Variants in RPTOR observed in about 807,000 individuals in gnomAD.
The protein encoded by RPTOR is regulatory associated protein of MTOR complex 1, also known as regulatory-associated protein of mTOR.
RPTOR carries 21 observed loss-of-function variants against 169.9 expected under a neutral mutation model. The observed-to-expected ratio is 0.12, with a 90% CI of 0.09 to 0.18. The LOEUF is 0.18. RPTOR is among the 10% of genes least tolerant of loss of function. RPTOR has a pLI of 1.00. For missense variants in RPTOR, 1,133 were observed against 1,855.9 expected, an observed-to-expected ratio of 0.61 and a Z score of 7.16; for synonymous variants, 732 against 753.2, an observed-to-expected ratio of 0.97 and a Z score of 0.46.
At chr17:80,915,075 G>A (rs371201291) in intron 21 of RPTOR, among the ~76,000 whole-genome samples, 11 of 152,204 alleles carry the variant, frequency 7.2e-5, no homozygotes, top group Admixed American at 2.0e-4. Flanking sequence ...TACCCATGCC[G>A]GGGTCTCCTC....
At chr17:80,918,228 C>T (rs1048019203) in intron 21 of RPTOR, among the ~76,000 whole-genome samples, 8 of 152,212 alleles carry the variant, frequency 5.3e-5, no homozygotes, top group Non-Finnish European at 1.2e-4. Flanking sequence ...CCACGCTGCC[C>T]AATGCTGGCC....
rs749504457 is a variant in RPTOR at position 80,545,757 on chromosome 17, A to C, written c.128A>C (p.Lys43Thr). Residue 43 changes from lysine to threonine, a missense_variant, in exon 1 of 34, where the codon AAA becomes ACA. By Grantham distance (78) the Lys-to-Thr change is moderately conservative. This residue lies in a region of RPTOR where 47 missense variants were observed against 59.5 expected (regional missense o/e 0.79). Transcript: ENST00000306801. Reference protein sequence around the residue: ...KRHCEKIEGSKSLAQSWRMKD... With the variant: ...KRHCEKIEGSTSLAQSWRMKD... Reference sequence around the variant, plus strand: ...CACTGTGAGAAAATTGAAGGCTCCAAATCCTTAGCTCAGAGCTGGAGGATG... The same window carrying C: ...CACTGTGAGAAAATTGAAGGCTCCACATCCTTAGCTCAGAGCTGGAGGATG... 24 of 1,613,826 alleles carry C rather than the reference A, an allele frequency of 1.5e-5. No homozygotes were observed. The South Asian group carries it at 2.6e-4, about 18-fold the overall frequency.
At chr17:80,595,464 TC>T (rs1354355155) in intron 1 of RPTOR, among the ~76,000 whole-genome samples, 4 of 144,278 alleles carry the variant, frequency 2.8e-5, no homozygotes, top group Non-Finnish European at 4.7e-5. Flanking sequence ...ACAGGGTTTT[TC>T]CCCCCCCTTA....
At chr17:80,794,373 T>G (rs1857024221) in intron 7 of RPTOR, among the ~76,000 whole-genome samples, 1 of 152,128 alleles carries the variant, frequency 6.6e-6, no homozygotes, top group South Asian at 2.1e-4. Context: ...TAATGCAAAT[T>G]AAAACACAGT....
intron 4 of RPTOR, among the ~76,000 whole-genome samples, chr17:80,725,789 G>C (rs1272401831): frequency 6.6e-6 from 1 of 152,188 alleles, no homozygotes; most frequent in African/African-American, 2.4e-5. Context: ...TCCACACTGT[G>C]GCTTAATAGA....
intron 24 of RPTOR, among the ~76,000 whole-genome samples, chr17:80,934,458 G>C (rs73357804): frequency 2.6e-5 from 4 of 152,070 alleles, no homozygotes; most frequent in African/African-American, 9.6e-5. Flanking sequence ...TCCTGGACTC[G>C]AGAGACCCTC....
In RPTOR at chr17:80,822,184, C is replaced by A. The variant is rs1386922637; in HGVS notation, c.891-17C>A. 5 of 1,610,822 alleles carry A rather than the reference C, an allele frequency of 3.1e-6. No homozygotes were observed. The South Asian group carries it at 5.5e-5, about 18-fold the overall frequency. On this transcript the variant is annotated splice_polypyrimidine_tract_variant and intron_variant, in intron 7 of 33. Coordinates refer to ENST00000306801, the MANE Select transcript of RPTOR (RefSeq NM_020761.3). ...AGAGCTGTGGCATCACTCATGAGAA[C>A]GCCCCTTGTTTTCTAGGATCCCTGG... is the stretch of plus-strand genomic sequence containing the variant.
At chr17:80,806,713 A>G (rs1273880143) in intron 7 of RPTOR, among the ~76,000 whole-genome samples, 1 of 152,186 alleles carries the variant, frequency 6.6e-6, no homozygotes, top group African/African-American at 2.4e-5. Context: ...CTCTACCATC[A>G]TCAGCCTTGT....
rs775516355 is a variant in RPTOR at position 80,962,959 on chromosome 17, A to G, written c.3841A>G (p.Asn1281Asp). Residue 1281 changes from asparagine (N) to aspartate (D), a missense_variant, in exon 33 of 34, where the codon AAC (asparagine) becomes GAC (aspartate). Physicochemically the swap from Asn to Asp is conservative, Grantham distance 23 (BLOSUM62 1). Transcript: ENST00000306801. The part of the protein sequence containing the change: ...GSVNQFTAIY[N>D]SSGELINNIK... ...CGTCAATCAGTTCACCGCCATCTAC[A>G]ACAGCAGCGGAGAGCTCATCAACAA... 5 of 1,613,708 alleles carry G rather than the reference A, an allele frequency of 3.1e-6. No homozygotes were observed. In the Admixed American group the frequency reaches 8.3e-5, roughly 27 times the overall value.
At position 80,622,216 on chromosome 17, in the gene RPTOR, C is replaced by G. The variant is rs2065359936; in HGVS notation, c.163-3475C>G. Among the ~76,000 whole-genome samples the G allele has an allele frequency of 1.3e-5, 2 of 152,186 alleles. 1 individual carries two copies. The highest frequency in any genetic ancestry group is 1.3e-4 in the Admixed American group (2 of 15,270). On this transcript the variant is annotated intron_variant, in intron 1 of 33. Transcript: ENST00000306801. Reference sequence around the variant, plus strand: ...TTGGAACTTGCGCCAGGGTTTGAATCAATCCCTCTCCATATTACAGGGCAT... The same window carrying G: ...TTGGAACTTGCGCCAGGGTTTGAATGAATCCCTCTCCATATTACAGGGCAT...
chr17:80,890,824 G>A (rs1245146744), intron 17 of RPTOR, among the ~76,000 whole-genome samples: 1 of 152,098 alleles, frequency 6.6e-6, no homozygotes, highest in Non-Finnish European at 1.5e-5. Context: ...CAGAGAGTGC[G>A]TAGACGGAGA....
chr17:80,696,649 A>G (rs927999910), intron 3 of RPTOR, among the ~76,000 whole-genome samples: 52 of 152,194 alleles, frequency 3.4e-4, no homozygotes, highest in African/African-American at 1.3e-3. Flanking sequence ...GTGGGCGCAG[A>G]AGGGACACAG....
At chr17:80,683,013 C>T (rs1187011280) in intron 3 of RPTOR, among the ~76,000 whole-genome samples, 1 of 152,136 alleles carries the variant, frequency 6.6e-6, no homozygotes, top group African/African-American at 2.4e-5. Context: ...GTTGTCCAGG[C>T]CGGTCTTGAG....
chr17:80,927,912 C>T (rs1034298364), intron 24 of RPTOR, among the ~76,000 whole-genome samples: 3 of 151,898 alleles, frequency 2.0e-5, no homozygotes, highest in Non-Finnish European at 2.9e-5. Flanking sequence ...GTGGTCTGGC[C>T]CTGCCAGCAG....
intron 6 of RPTOR, among the ~76,000 whole-genome samples, chr17:80,776,881 C>T (rs979403854): frequency 6.6e-6 from 1 of 152,080 alleles, no homozygotes; most frequent in Non-Finnish European, 1.5e-5. Context: ...CAGAGAAGGC[C>T]CCACAGTGTG....
chr17:80,634,584 CGTACTGTGTGTGTGCGTACTGTGTGT>C lies in RPTOR; in HGVS notation c.265+8802_265+8827del, dbSNP rs1311401942. ...TGTGTGTGCATACTGTGTGTGTGTG[CGTACTGTGTGTGTGCGTACTGTGTGT>C]GTACTGTGTGCGTGTGCGTACTGTG... On this transcript the variant is annotated intron_variant, in intron 2 of 33. Transcript: ENST00000306801. Among the ~76,000 whole-genome samples, 9 of 81,152 alleles carry C rather than the reference CGTACTGTGTGTGTGCGTACTGTGTGT, an allele frequency of 1.1e-4. 1 individual carries two copies. Among genetic ancestry groups the C allele is most frequent in the East Asian group, 8.3e-4 (2 of 2,414 alleles). The allele number at this position is 81,152 out of a possible 152,430, so 53.2% of individuals were successfully genotyped here.
intron 4 of RPTOR, among the ~76,000 whole-genome samples, chr17:80,715,196 A>G (rs896496841): frequency 6.6e-6 from 1 of 152,270 alleles, no homozygotes; most frequent in Admixed American, 6.5e-5. Context: ...ACGAATCTCT[A>G]CGTAGGTAGA....
chr17:80,581,589 G>A (rs938230026), intron 1 of RPTOR, among the ~76,000 whole-genome samples: 15 of 150,280 alleles, frequency 1.0e-4, no homozygotes, highest in Non-Finnish European at 1.8e-4. Flanking sequence ...CCGCACATCG[G>A]GCCAGTGCAT....
chr17:80,869,556 C>A (rs998888280), intron 13 of RPTOR, among the ~76,000 whole-genome samples: 1 of 152,102 alleles, frequency 6.6e-6, no homozygotes, highest in Non-Finnish European at 1.5e-5. Context: ...TAGTTGGATC[C>A]TGGATCAAAA....
Sources: allele counts gnomAD v4.1 joint callset (sites outside exome capture counted in the v4.1 genomes callset), GRCh38; gene constraint gnomAD v4.1.1; regional missense constraint gnomAD v4.1.1; transcripts MANE v1.5; gene names NCBI Gene and HGNC (gene_info 2026-07-23, HGNC 2026-07-21).